TP63: variants seen among roughly 807,000 people sequenced by gnomAD.
The protein encoded by TP63 is tumor protein p63.
In TP63, 17 loss-of-function variants were observed where a neutral mutation model predicts 82.8. The observed-to-expected ratio is 0.21, with a 90% CI of 0.14 to 0.31. The LOEUF is 0.31. Among genes scored for constraint, TP63 ranks in the 10% least tolerant of loss-of-function variants. The pLI is 1.00. For synonymous variants in TP63, 330 were observed against 321.7 expected (o/e 1.03, Z -0.28); for missense variants, 648 against 895.3 (o/e 0.72, Z 3.52).
intron 4 of TP63, among the ~76,000 whole-genome samples, chr3:189,832,010 G>T (rs143000544): frequency 9.9e-5 from 15 of 151,414 alleles, no homozygotes; most frequent in African/African-American, 3.4e-4. Flanking sequence ...TTTTGTATTT[G>T]TAGTAGAGAC....
the TP63 span, among the ~76,000 whole-genome samples, chr3:189,606,816 C>A: frequency 6.6e-6 from 1 of 151,920 alleles, no homozygotes; most frequent in Non-Finnish European, 1.5e-5. Flanking sequence ...GGGCCAACCC[C>A]GCAATGATCT....
the TP63 span, among the ~76,000 whole-genome samples, chr3:189,618,790 C>T: frequency 2.6e-4 from 39 of 152,204 alleles, no homozygotes; most frequent in Admixed American, 8.5e-4. Context: ...AATTTTCTGG[C>T]TTCATATTAT....
rs563427598 is a variant in TP63 at position 189,740,539 on chromosome 3, G to A, written c.324+1765G>A. On this transcript the variant is annotated intron_variant, in intron 3 of 13. Coordinates refer to ENST00000264731, the MANE Select transcript of TP63 (RefSeq NM_003722.5). ...TTTATGAGCAGGGTCTCCCTCTGTC[G>A]CCCAGGTTGGAGTGCAGTGGCGCAA... is the stretch of plus-strand genomic sequence containing the variant. Among the ~76,000 whole-genome samples, 20 of 151,442 alleles carry A rather than the reference G, an allele frequency of 1.3e-4. No homozygotes were observed. The South Asian group carries it at 2.3e-3, about 17-fold the overall frequency.
intron 10 of TP63, chr3:189,880,782 G>A: frequency 1.0e-6 from 1 of 985,406 alleles, no homozygotes; most frequent in Non-Finnish European, 1.2e-6. Context: ...TGTGGGTGGA[G>A]AGTTCTTTGT....
chr3:189,808,361 C>T lies in TP63; in HGVS notation c.414C>T (p.His138=), dbSNP rs766239462. Residue 138 remains histidine, a synonymous_variant, in exon 4 of 14, where the codon CAC becomes CAT. Coordinates refer to ENST00000264731, the MANE Select transcript of TP63 (RefSeq NM_003722.5). ...SSSTSPYNTD[H]AQNSVTAPSP... is the part of the protein sequence containing the mutation. ...CCACCAGTCCCTATAACACAGACCA[C>T]GCGCAGAACAGCGTCACGGCGCCCT... 5.6e-6 allele frequency: 9 copies of T among 1,614,106 alleles called. No individual in the cohort carries two copies. The highest frequency in any genetic ancestry group is 3.3e-5 in the South Asian group (3 of 91,086).
In TP63 at chr3:189,875,589, CATACATAT is replaced by C. The variant is rs1255696058; in HGVS notation, c.1349+2598_1349+2605del. On this transcript the variant is annotated intron_variant, in intron 10 of 13. Transcript: ENST00000264731. Reference sequence around the variant, plus strand: ...TCAAAAAGAAAAAGAAAAAAAAATACATACATATATATATATATATATATATATATATA... The same window carrying C: ...TCAAAAAGAAAAAGAAAAAAAAATACATATATATATATATATATATATATA... Among the ~76,000 whole-genome samples the C allele has an allele frequency of 3.7e-3, 165 of 44,408 alleles. 8 individuals carry two copies. Among genetic ancestry groups the C allele is most frequent in the South Asian group, 0.023 (27 of 1,156 alleles). The allele number at this position is 44,408 out of a possible 152,430, so 29.1% of individuals were successfully genotyped here. A position where few individuals can be genotyped will look rare whatever the true frequency, so the allele number is the denominator to read the frequency against.
chr3:189,673,984 A>G (rs976113777), intron 1 of TP63, among the ~76,000 whole-genome samples: 3 of 152,172 alleles, frequency 2.0e-5, no homozygotes, highest in African/African-American at 7.2e-5. Flanking sequence ...TTAGCAATAA[A>G]GAAACCATAG....
At chr3:189,596,865 C>G in the TP63 span, among the ~76,000 whole-genome samples, 37 of 152,104 alleles carry the variant, frequency 2.4e-4, no homozygotes, top group Non-Finnish European at 3.7e-4. Context: ...TAACACTCAC[C>G]GTGAAGGTCT....
At chr3:189,734,106 TTCTC>T (rs1191167821) in intron 1 of TP63, among the ~76,000 whole-genome samples, 28 of 150,630 alleles carry the variant, frequency 1.9e-4, no homozygotes, top group South Asian at 8.5e-4. Flanking sequence ...TTCTCTTTCT[TTCTC>T]TCTCTCTCTT....
At position 189,823,038 on chromosome 3, in the gene TP63, T is replaced by C. The variant is rs1728957207; in HGVS notation, c.579+14512T>C. 2.6e-5 allele frequency among the ~76,000 whole-genome samples: 4 copies of C among 152,210 alleles called. No individual in the cohort carries two copies. The South Asian group carries it at 8.3e-4, about 31-fold the overall frequency. ...AAGTTCCCCTTGAATTCAAATTCTT[T>C]GCATCCAGAAGAGAAGTATTTTGTG... On this transcript the variant is annotated intron_variant, in intron 4 of 13. Transcript: ENST00000264731.
chr3:189,729,534 A>G (rs1720009813), intron 1 of TP63, among the ~76,000 whole-genome samples: 1 of 152,250 alleles, frequency 6.6e-6, no homozygotes, highest in Admixed American at 6.5e-5. Context: ...TCAGTAATAT[A>G]TAAAAATAAA....
chr3:189,701,524 T>TATATATATATATATATAC (rs1717803058), intron 1 of TP63, among the ~76,000 whole-genome samples: 2 of 23,504 alleles, frequency 8.5e-5, no homozygotes, highest in South Asian at 2.8e-3. Context: ...TATATATACA[T>TATATATATATATATATAC]ATATATATAT....
chr3:189,784,501 C>T (rs182575056), intron 3 of TP63, among the ~76,000 whole-genome samples: 1 of 152,176 alleles, frequency 6.6e-6, no homozygotes, highest in African/African-American at 2.4e-5. Flanking sequence ...TAACAATGAA[C>T]ATAGTATCTA....
chr3:189,723,020 T>C (rs1719508740), intron 1 of TP63, among the ~76,000 whole-genome samples: 1 of 152,186 alleles, frequency 6.6e-6, no homozygotes, highest in Non-Finnish European at 1.5e-5. Flanking sequence ...GTCCAGATCA[T>C]TTGAAACAGA....
intron 3 of TP63, among the ~76,000 whole-genome samples, chr3:189,803,896 C>CT (rs1318975695): frequency 1.3e-5 from 2 of 152,142 alleles, no homozygotes; most frequent in African/African-American, 4.8e-5. Flanking sequence ...AATACTGCCT[C>CT]TTTTTTCAGA....
intron 3 of TP63, among the ~76,000 whole-genome samples, chr3:189,759,570 T>C (rs762578738): frequency 6.6e-6 from 1 of 152,216 alleles, no homozygotes; most frequent in Non-Finnish European, 1.5e-5. Flanking sequence ...ATATGAGGTA[T>C]ACATTAGTAT....
chr3:189,625,284 G>A, the TP63 span, among the ~76,000 whole-genome samples: 2 of 152,116 alleles, frequency 1.3e-5, no homozygotes, highest in South Asian at 4.1e-4. Flanking sequence ...AGCAATTCCT[G>A]ATATGATGCA....
At chr3:189,597,461 A>G in the TP63 span, among the ~76,000 whole-genome samples, 1 of 152,234 alleles carries the variant, frequency 6.6e-6, no homozygotes, top group Non-Finnish European at 1.5e-5. Context: ...GGAGGAAGAT[A>G]ATATTATGTA....
At chr3:189,877,957 C>T (rs1233208199) in intron 10 of TP63, among the ~76,000 whole-genome samples, 1 of 152,148 alleles carries the variant, frequency 6.6e-6, no homozygotes, top group Admixed American at 6.5e-5. Flanking sequence ...CTCAAGCGAT[C>T]CCCTGCCTCA....
Sources: gnomAD v4.1 joint callset for allele counts (sites outside exome capture counted in the v4.1 genomes callset) on GRCh38, gnomAD v4.1.1 for gene constraint, MANE v1.5 for transcripts, NCBI Gene and HGNC (gene_info 2026-07-23, HGNC 2026-07-21) for gene names.